ZWILCH: variants seen among roughly 807,000 people sequenced by gnomAD.
ZWILCH encodes the protein zwilch kinetochore protein.
Under a neutral mutation model 79.9 loss-of-function variants are expected in ZWILCH, and 74 were observed. The ratio of observed to expected loss-of-function variants is 0.93; its 90% CI spans 0.77 to 1.12. ZWILCH has a LOEUF of 1.12. Ranked by LOEUF, ZWILCH falls within the 50% of genes most tolerant of loss-of-function variation. The pLI, the probability that ZWILCH is intolerant of heterozygous loss-of-function variation, is 0.00. For missense variants in ZWILCH, 694 were observed against 687.5 expected, an observed-to-expected ratio of 1.01 and a Z score of -0.11; for synonymous variants, 241 against 228.2, an observed-to-expected ratio of 1.06 and a Z score of -0.51.
At chr15:66,516,631 G>A (rs4570779) in intron 4 of ZWILCH, among the ~76,000 whole-genome samples, 42,368 of 151,668 alleles carry the variant, frequency 0.28, 6,546 homozygotes, top group South Asian at 0.37. Context: ...TCAGCCTCCC[G>A]AGTAGCTGGG....
intron 17 of ZWILCH, among the ~76,000 whole-genome samples, chr15:66,541,130 T>TA (rs1225409215): frequency 2.1e-5 from 3 of 141,216 alleles, no homozygotes; most frequent in Non-Finnish European, 3.1e-5. Context: ...AAAAAAAAAA[T>TA]ACAAAAATTA....
chr15:66,548,429 C>A lies in ZWILCH; in HGVS notation c.*105C>A. The A allele has an allele frequency of 1.2e-6, 1 of 841,212 alleles. No individual in the cohort carries two copies. The highest frequency in any genetic ancestry group is 1.9e-6 in the Non-Finnish European group (1 of 520,596). The allele number at this position is 841,212 out of a possible 1,614,324, so 52.1% of individuals were successfully genotyped here. A position where few individuals can be genotyped will look rare whatever the true frequency, so the allele number is the denominator to read the frequency against. Reference sequence around the variant, plus strand: ...CAGCAATGTATGGAAACCCTCAAAGCAGAAAAGGGAGGAAGATCCTGAAGA... The same window carrying A: ...CAGCAATGTATGGAAACCCTCAAAGAAGAAAAGGGAGGAAGATCCTGAAGA... On this transcript the variant is annotated 3_prime_UTR_variant, in exon 19 of 19. Coordinates refer to ENST00000307897, the MANE Select transcript of ZWILCH (RefSeq NM_017975.5).
Position 66,505,521 on chromosome 15 carries a change from G to A in ZWILCH, c.53+130G>A, listed in dbSNP as rs1893778743. On this transcript the variant is annotated intron_variant, in intron 1 of 18. Transcript: ENST00000307897. ...TTGCCAGCTTTCCTGGGGTCCAGGAGTTGGGGAGAGGCCGGTTCTCGGCTC... is the reference window on the plus strand; with the variant it reads ...TTGCCAGCTTTCCTGGGGTCCAGGAATTGGGGAGAGGCCGGTTCTCGGCTC... 6 of 1,117,272 alleles carry A rather than the reference G, an allele frequency of 5.4e-6. No homozygotes were observed. The Admixed American group carries it at 6.7e-5, about 13-fold the overall frequency. 69.2% of individuals were successfully genotyped at this position (1,117,272 alleles called of 1,614,324 possible).
At chr15:66,528,808 TAA>T in intron 10 of ZWILCH, 42 bp from the exon 11 acceptor site, 1 of 1,206,452 alleles carries the variant, frequency 8.3e-7, no homozygotes, top group Non-Finnish European at 1.2e-6. Flanking sequence ...TTATTTCACT[TAA>T]AAAAAAAACT....
intron 12 of ZWILCH, among the ~76,000 whole-genome samples, chr15:66,529,970 A>G (rs1307936026): frequency 4.6e-5 from 7 of 152,238 alleles, no homozygotes; most frequent in Non-Finnish European, 1.0e-4. Context: ...TGAGATCCTC[A>G]CAATGTGTCA....
chr15:66,542,569 A>G (rs992159491), intron 17 of ZWILCH, among the ~76,000 whole-genome samples: 2 of 152,206 alleles, frequency 1.3e-5, no homozygotes, highest in Admixed American at 1.3e-4. Flanking sequence ...TGGGTGACAG[A>G]GCAAGATTTC....
At chr15:66,520,478 A>C (rs143378636) in intron 5 of ZWILCH, 112 bp from the exon 6 acceptor site, 2 of 665,164 alleles carry the variant, frequency 3.0e-6, no homozygotes, top group Non-Finnish European at 5.4e-6. Context: ...TAATTTTAAC[A>C]GTTATTTTGT....
chr15:66,527,278 A>T lies in ZWILCH; in HGVS notation c.820-12A>T, dbSNP rs1306682712. The T allele has an allele frequency of 1.2e-6, 2 of 1,610,018 alleles. No individual in the cohort carries two copies. Among genetic ancestry groups the T allele is most frequent in the Non-Finnish European group, 1.7e-6 (2 of 1,177,880 alleles). On this transcript the variant is annotated splice_polypyrimidine_tract_variant and intron_variant, in intron 8 of 18. Transcript: ENST00000307897. Reference sequence around the variant, plus strand: ...TGCTAACAAGTTTTTGGGGTTTTTAAATCTCCTGTAGGTTTTGGCTGATGG... The same window carrying T: ...TGCTAACAAGTTTTTGGGGTTTTTATATCTCCTGTAGGTTTTGGCTGATGG...
chr15:66,512,976 G>A (rs984656004), intron 2 of ZWILCH, among the ~76,000 whole-genome samples: 1 of 152,088 alleles, frequency 6.6e-6, no homozygotes. Context: ...TGTAGTCTTA[G>A]TAGAGATGTG....
Position 66,517,455 on chromosome 15 carries a change from T to TATATATAG in ZWILCH, c.321-1423_321-1422insTATATAGA, listed in dbSNP as rs1180456312. Among the ~76,000 whole-genome samples, 149 of 115,152 alleles carry TATATATAG rather than the reference T, an allele frequency of 1.3e-3. 7 individuals carry two copies. Among genetic ancestry groups the TATATATAG allele is most frequent in the Middle Eastern group, 4.3e-3 (1 of 230 alleles). The allele number at this position is 115,152 out of a possible 152,430, so 75.5% of individuals were successfully genotyped here. Reference sequence around the variant, plus strand: ...GTATATATATATATATATATATATATAGTAATGTACACACATACACCATTT... The same window carrying TATATATAG: ...GTATATATATATATATATATATATATATATATAGAGTAATGTACACACATACACCATTT... On this transcript the variant is annotated intron_variant, in intron 4 of 18. Coordinates refer to ENST00000307897, the MANE Select transcript of ZWILCH (RefSeq NM_017975.5).
intron 17 of ZWILCH, among the ~76,000 whole-genome samples, chr15:66,540,810 A>G (rs948723913): frequency 3.3e-5 from 5 of 149,902 alleles, no homozygotes; most frequent in African/African-American, 7.3e-5. Flanking sequence ...TTGTATCTTT[A>G]GTAAAGATGG....
At position 66,528,844 on chromosome 15, in the gene ZWILCH, T is replaced by G. The variant is rs772630076; in HGVS notation, c.970-8T>G. The G allele has an allele frequency of 5.1e-5, 83 of 1,612,112 alleles. No individual in the cohort carries two copies. The highest frequency in any genetic ancestry group is 6.2e-5 in the Non-Finnish European group (73 of 1,178,810). On this transcript the variant is annotated splice_polypyrimidine_tract_variant and splice_region_variant and intron_variant, in intron 10 of 18. Coordinates refer to ENST00000307897, the MANE Select transcript of ZWILCH (RefSeq NM_017975.5). ...CTGAGTATTCTCTGAAGGTTGCTTC[T>G]TTTTCAGACCTTGAAGCATGACACT...
chr15:66,544,724 T>TTTTTTTTTTTTTGTGTGTGTGTGTG (rs145952622), intron 17 of ZWILCH, among the ~76,000 whole-genome samples: 2 of 128,542 alleles, frequency 1.6e-5, no homozygotes, highest in South Asian at 5.4e-4. Flanking sequence ...TTTTTGGTTT[T>TTTTTTTTTTTTTGTGTGTGTGTGTG]TGTGTGTGTG....
intron 7 of ZWILCH, chr15:66,523,382 A>G: frequency 3.9e-6 from 1 of 259,656 alleles, no homozygotes; most frequent in Non-Finnish European, 7.2e-6. Context: ...TCCTCCTGGA[A>G]ATTCCTTGGG....
rs1284065035 is a variant in ZWILCH, at chr15:66,549,080, A to G, written c.*756A>G. On this transcript the variant is annotated 3_prime_UTR_variant, in exon 19 of 19. Coordinates refer to ENST00000307897, the MANE Select transcript of ZWILCH (RefSeq NM_017975.5). Reference sequence around the variant, plus strand: ...TGTATAGTTAAATAATAATCTTTTTAAGAGTTAATGATAAGCATATGTTAT... The same window carrying G: ...TGTATAGTTAAATAATAATCTTTTTGAGAGTTAATGATAAGCATATGTTAT... The G allele has an allele frequency of 2.0e-5, 3 of 152,796 alleles. No individual in the cohort carries two copies. The highest frequency in any genetic ancestry group is 2.9e-5 in the Non-Finnish European group (2 of 68,438). 9.5% of individuals were successfully genotyped at this position (152,796 alleles called of 1,614,324 possible).
At chr15:66,531,227 T>C (rs1234750137) in intron 12 of ZWILCH, among the ~76,000 whole-genome samples, 1 of 152,150 alleles carries the variant, frequency 6.6e-6, no homozygotes, top group Non-Finnish European at 1.5e-5. Flanking sequence ...GCATGGACCA[T>C]TGAGGGAGCT....
At chr15:66,520,501 C>T (rs1894451894) in intron 5 of ZWILCH, 89 bp from the exon 6 acceptor site, 3 of 696,752 alleles carry the variant, frequency 4.3e-6, no homozygotes, top group African/African-American at 1.8e-5. Context: ...AGTTGTGGTA[C>T]ATTGAGAATG....
intron 2 of ZWILCH, among the ~76,000 whole-genome samples, chr15:66,510,036 G>C (rs1427283885): frequency 6.7e-6 from 1 of 149,988 alleles, no homozygotes; most frequent in Admixed American, 6.6e-5. Flanking sequence ...AAATTAGCTG[G>C]GCATGGTGGC....
At chr15:66,520,925 A>G (rs1318278908) in intron 6 of ZWILCH, 125 bp from the exon 7 acceptor site, 4 of 1,057,412 alleles carry the variant, frequency 3.8e-6, no homozygotes, top group South Asian at 3.2e-5. Context: ...TGGAAAGTAT[A>G]TATCCCAAAA....
Sources: gnomAD v4.1 joint callset for allele counts (sites outside exome capture counted in the v4.1 genomes callset) on GRCh38, gnomAD v4.1.1 for gene constraint, MANE v1.5 for transcripts, NCBI Gene and HGNC (gene_info 2026-07-23, HGNC 2026-07-21) for gene names.